Variants in MTSS1 observed in about 807,000 individuals in gnomAD.
MTSS1 encodes the protein MTSS I-BAR domain containing 1.
In MTSS1, 18 loss-of-function variants were observed where a neutral mutation model predicts 79.0. The observed-to-expected ratio is 0.23, with a 90% CI of 0.16 to 0.34. The LOEUF is 0.34. MTSS1 is among the 10% of genes least tolerant of loss of function. The pLI is 1.00. For missense variants in MTSS1, 815 were observed against 986.2 expected (o/e 0.83, Z 2.33); for synonymous variants, 341 against 368.6 (o/e 0.93, Z 0.86).
At chr8:124,611,969 A>G (rs940457386) in intron 3 of MTSS1, among the ~76,000 whole-genome samples, 2 of 152,246 alleles carry the variant, frequency 1.3e-5, no homozygotes, top group Admixed American at 6.5e-5. Flanking sequence ...TGGGGCTCAC[A>G]GAACGCCAGA....
intron 3 of MTSS1, among the ~76,000 whole-genome samples, chr8:124,639,448 A>G (rs1021227356): frequency 2.0e-5 from 3 of 152,202 alleles, no homozygotes; most frequent in African/African-American, 7.2e-5. Context: ...ATACACTATT[A>G]TATCTTTCTG....
intron 1 of MTSS1, among the ~76,000 whole-genome samples, chr8:124,706,696 C>T (rs973808437): frequency 2.0e-5 from 3 of 152,364 alleles, no homozygotes; most frequent in Non-Finnish European, 4.4e-5. Context: ...CTTGTCACGA[C>T]ATGACCTCCA....
At chr8:124,636,887 T>C (rs1817100079) in intron 3 of MTSS1, among the ~76,000 whole-genome samples, 1 of 152,196 alleles carries the variant, frequency 6.6e-6, no homozygotes, top group African/African-American at 2.4e-5. Flanking sequence ...AAGGAGCCAA[T>C]AGCAACTGAC....
intron 3 of MTSS1, among the ~76,000 whole-genome samples, chr8:124,601,576 C>G (rs187054000): frequency 6.6e-6 from 1 of 152,342 alleles, no homozygotes; most frequent in Admixed American, 6.5e-5. Flanking sequence ...TCCTTCCTCT[C>G]AAGCCCCTGC....
In MTSS1 at chr8:124,569,956, CT is replaced by C. The variant is rs370515932; in HGVS notation, c.461-1421del. Among the ~76,000 whole-genome samples, 21 of 152,318 alleles carry C rather than the reference CT, an allele frequency of 1.4e-4. No homozygotes were observed. In the East Asian group the frequency reaches 4.1e-3, roughly 29 times the overall value. ...AGGGCCCTGCAGTTTCCATCTATCC[CT>C]CTTAGTGATGTAGAGAACATTAAAT... On this transcript the variant is annotated intron_variant, in intron 6 of 13. Transcript: ENST00000518547.
At chr8:124,686,959 G>T (rs572480434) in intron 3 of MTSS1, among the ~76,000 whole-genome samples, 1 of 152,224 alleles carries the variant, frequency 6.6e-6, no homozygotes, top group South Asian at 2.1e-4. Context: ...GTCACCAAGA[G>T]TTTCCCCATT....
intron 3 of MTSS1, among the ~76,000 whole-genome samples, chr8:124,647,113 G>T (rs190160990): frequency 6.6e-6 from 1 of 152,180 alleles, no homozygotes; most frequent in African/African-American, 2.4e-5. Flanking sequence ...GCTTCCCAAA[G>T]TTCTGGGATT....
At chr8:124,620,613 C>T (rs529577695) in intron 3 of MTSS1, among the ~76,000 whole-genome samples, 4 of 152,132 alleles carry the variant, frequency 2.6e-5, no homozygotes, top group Non-Finnish European at 5.9e-5. Context: ...ATGGTACAAG[C>T]AGCAGCACAG....
In MTSS1 at chr8:124,553,574, G is replaced by A; in HGVS notation, c.1686C>T (p.Phe562=). 1 of 1,614,196 alleles carries A rather than the reference G, an allele frequency of 6.2e-7. No individual in the cohort carries two copies. The highest frequency in any genetic ancestry group is 8.5e-7 in the Non-Finnish European group (1 of 1,180,026). The change falls in exon 14 of 14, where the codon TTC becomes TTT. Residue 562 remains phenylalanine (F), a synonymous_variant. Coordinates refer to ENST00000518547, the MANE Select transcript of MTSS1 (RefSeq NM_014751.6). This position sits in a 1 kb window ranked among gnomAD's most constrained non-coding sequence, Gnocchi z 6.0. ...CAGTTGAGGCTGGACGCTTGGCTTGGAACATCCGTCGGTAGGACTGGCTGA... is the reference window on the plus strand; with the variant it reads ...CAGTTGAGGCTGGACGCTTGGCTTGAAACATCCGTCGGTAGGACTGGCTGA... ...SDISQSYRRM[F]QAKRPASTAG... is the part of the protein sequence containing the mutation.
In MTSS1 at chr8:124,568,513, A is replaced by G. The variant is rs201972430; in HGVS notation, c.484T>C (p.Leu162=). The change falls in exon 7 of 14, where the codon TTG becomes CTG. Residue 162 remains leucine, a synonymous_variant. Coordinates refer to ENST00000518547, the MANE Select transcript of MTSS1 (RefSeq NM_014751.6). ...KKGRGDIQPQ[L]DSALQDVNDK... is the part of the protein sequence containing the mutation. ...TTGACATCTTGGAGAGCACTGTCCA[A>G]CTGAGGCTGGATATCACCTCTCCCT... is the stretch of plus-strand genomic sequence containing the variant. 4.6e-5 allele frequency: 75 copies of G among 1,614,196 alleles called. No individual in the cohort carries two copies. In the East Asian group the frequency reaches 1.2e-3, roughly 26 times the overall value.
intron 3 of MTSS1, among the ~76,000 whole-genome samples, chr8:124,636,673 C>T (rs2133911529): frequency 6.6e-6 from 1 of 152,272 alleles, no homozygotes; most frequent in East Asian, 1.9e-4. Flanking sequence ...ACCCAGCTGT[C>T]CACTTAGAGG....
intron 3 of MTSS1, among the ~76,000 whole-genome samples, chr8:124,663,957 CG>C (rs1822574540): frequency 6.6e-6 from 1 of 152,138 alleles, no homozygotes; most frequent in African/African-American, 2.4e-5. Context: ...TCTAAAAACC[CG>C]GGATGGACTG....
At chr8:124,688,633 C>T (rs934210811) in intron 3 of MTSS1, among the ~76,000 whole-genome samples, 9 of 152,168 alleles carry the variant, frequency 5.9e-5, no homozygotes, top group African/African-American at 1.9e-4. Flanking sequence ...CAGATGACCA[C>T]GGGTTTCTTA....
intron 3 of MTSS1, among the ~76,000 whole-genome samples, chr8:124,645,597 A>C (rs1384050638): frequency 1.3e-5 from 2 of 152,096 alleles, no homozygotes; most frequent in Non-Finnish European, 2.9e-5. Context: ...AGCTTAAAGC[A>C]CACCAGTTTA....
chr8:124,604,118 C>T (rs1428452987), intron 3 of MTSS1, among the ~76,000 whole-genome samples: 1 of 152,092 alleles, frequency 6.6e-6, no homozygotes, highest in Non-Finnish European at 1.5e-5. Context: ...GAAGCTGAGG[C>T]AGGAAAATCG....
chr8:124,663,271 T>A (rs984238867), intron 3 of MTSS1, among the ~76,000 whole-genome samples: 5 of 152,094 alleles, frequency 3.3e-5, no homozygotes, highest in African/African-American at 4.8e-5. Flanking sequence ...ACAGACAGAC[T>A]GACAGACACA....
At chr8:124,623,332 T>TATTG (rs1231942760) in intron 3 of MTSS1, among the ~76,000 whole-genome samples, 2 of 152,258 alleles carry the variant, frequency 1.3e-5, no homozygotes, top group Non-Finnish European at 2.9e-5. Context: ...TCCAGTAAGG[T>TATTG]ATTGATCAAC....
intron 3 of MTSS1, among the ~76,000 whole-genome samples, chr8:124,693,292 G>A (rs1828262106): frequency 6.6e-6 from 1 of 152,186 alleles, no homozygotes; most frequent in African/African-American, 2.4e-5. Context: ...AAGATGGCAA[G>A]AGGCTTTACA....
chr8:124,629,030 G>A (rs1309994448), intron 3 of MTSS1, among the ~76,000 whole-genome samples: 1 of 152,188 alleles, frequency 6.6e-6, no homozygotes, highest in Non-Finnish European at 1.5e-5. Flanking sequence ...AATCATGAGA[G>A]CTCACAAGTG....
Sources: gnomAD v4.1 joint callset for allele counts (sites outside exome capture counted in the v4.1 genomes callset) on GRCh38, gnomAD v4.1.1 for gene constraint, Gnocchi (gnomAD v3.1) non-coding constraint, MANE v1.5 for transcripts, NCBI Gene and HGNC (gene_info 2026-07-23, HGNC 2026-07-21) for gene names.